The following PTPRM variants were observed in gnomAD, a reference collection of about 807,000 sequenced individuals.
The protein encoded by PTPRM is protein tyrosine phosphatase receptor type M, also known as receptor-type tyrosine-protein phosphatase mu.
Under a neutral mutation model 186.7 loss-of-function variants are expected in PTPRM, and 47 were observed. The observed-to-expected ratio is 0.25, with a 90% CI of 0.20 to 0.32. The LOEUF is 0.32. Ranked by LOEUF, PTPRM falls within the 10% of genes least tolerant of loss-of-function variation. PTPRM has a pLI of 1.00. For synonymous variants in PTPRM, 668 were observed against 674.9 expected, an observed-to-expected ratio of 0.99 and a Z score of 0.16; for missense variants, 1,494 against 1,865.0, an observed-to-expected ratio of 0.80 and a Z score of 3.66.
intron 2 of PTPRM, among the ~76,000 whole-genome samples, chr18:7,795,810 C>CTTTTT (rs397741769): frequency 3.7e-4 from 43 of 117,712 alleles, no homozygotes; most frequent in African/African-American, 6.8e-4. Flanking sequence ...TTCTTTCTTT[C>CTTTTT]TTTTTTTTTT....
chr18:7,632,282 A>G (rs536467311), intron 1 of PTPRM, among the ~76,000 whole-genome samples: 1 of 152,216 alleles, frequency 6.6e-6, no homozygotes, highest in Admixed American at 6.5e-5. Flanking sequence ...TACTCTAGAC[A>G]TTTTATATGT....
At chr18:7,924,127 A>G (rs922348565) in intron 4 of PTPRM, among the ~76,000 whole-genome samples, 2 of 152,220 alleles carry the variant, frequency 1.3e-5, no homozygotes, top group African/African-American at 4.8e-5. Flanking sequence ...AAGCGTCTTC[A>G]GTGATGATAG....
intron 14 of PTPRM, among the ~76,000 whole-genome samples, chr18:8,152,785 T>G (rs2093040532): frequency 1.4e-5 from 2 of 143,126 alleles, no homozygotes; most frequent in South Asian, 4.6e-4. Flanking sequence ...TGGCACGATC[T>G]GAGCTCACTG....
chr18:7,640,356 T>G (rs2038416678), intron 1 of PTPRM, among the ~76,000 whole-genome samples: 1 of 152,162 alleles, frequency 6.6e-6, no homozygotes, highest in South Asian at 2.1e-4. Flanking sequence ...AAAGGAGCTT[T>G]AGAGATCATC....
chr18:7,888,287 G>T lies in PTPRM; in HGVS notation c.378G>T (p.Gly126=), dbSNP rs1477423975. 2 of 1,614,138 alleles carry T rather than the reference G, an allele frequency of 1.2e-6. No individual in the cohort carries two copies. The highest frequency in any genetic ancestry group is 1.1e-5 in the South Asian group (1 of 91,074). Residue 126 remains glycine, a synonymous_variant, in exon 3 of 33, where the codon GGG becomes GGT. Coordinates refer to ENST00000580170, the MANE Select transcript of PTPRM (RefSeq NM_001105244.2). The stretch of plus-strand genomic sequence containing the variant: ...TGAAGGTCAATAACGGGCCACTGGG[G>T]AATCCTATCTGGAATATATCTGGAG... The part of the protein sequence containing the change: ...VYVKVNNGPL[G]NPIWNISGDP...
chr18:7,846,884 C>T (rs2046623960), intron 2 of PTPRM, among the ~76,000 whole-genome samples: 1 of 152,100 alleles, frequency 6.6e-6, no homozygotes. Context: ...TCTTGCCCAC[C>T]TTCTTATTCT....
intron 4 of PTPRM, among the ~76,000 whole-genome samples, chr18:7,919,197 T>G (rs543751226): frequency 2.6e-5 from 4 of 152,186 alleles, no homozygotes; most frequent in Non-Finnish European, 5.9e-5. Flanking sequence ...TTACTAAAGC[T>G]TTATACTACA....
intron 1 of PTPRM, among the ~76,000 whole-genome samples, chr18:7,616,218 G>A (rs1474134137): frequency 6.6e-6 from 1 of 152,150 alleles, no homozygotes; most frequent in Non-Finnish European, 1.5e-5. Flanking sequence ...GTGTGGTGGT[G>A]CCATCACTGC....
At chr18:8,137,566 G>GCTGCCCA (rs2092665641) in intron 13 of PTPRM, among the ~76,000 whole-genome samples, 4 of 152,120 alleles carry the variant, frequency 2.6e-5, no homozygotes, top group Non-Finnish European at 5.9e-5. Flanking sequence ...TTGTTCTCAA[G>GCTGCCCA]GTACTGTTCT....
At chr18:7,665,700 G>C (rs571795336) in intron 1 of PTPRM, among the ~76,000 whole-genome samples, 1 of 152,110 alleles carries the variant, frequency 6.6e-6, no homozygotes. Flanking sequence ...GCCGAGGGGG[G>C]TGGATCATGA....
At chr18:7,976,538 G>A (rs900624316) in intron 7 of PTPRM, among the ~76,000 whole-genome samples, 1 of 152,158 alleles carries the variant, frequency 6.6e-6, no homozygotes, top group Admixed American at 6.5e-5. Flanking sequence ...GGGATTGTGG[G>A]GAATCTTCAT....
rs1438985633 is a variant in PTPRM at position 8,199,380 on chromosome 18, A to G, written c.2301-44678A>G. 2.0e-5 allele frequency among the ~76,000 whole-genome samples: 3 copies of G among 152,272 alleles called. No homozygotes were observed. In the East Asian group the frequency reaches 5.8e-4, roughly 29 times the overall value. ...TCACTCATATCCTGCTTCAGGCTTCACAGGTCTTGGGAAGAAAAAGAGAAC... is the reference window on the plus strand; with the variant it reads ...TCACTCATATCCTGCTTCAGGCTTCGCAGGTCTTGGGAAGAAAAAGAGAAC... On this transcript the variant is annotated intron_variant, in intron 14 of 32. Transcript: ENST00000580170.
intron 1 of PTPRM, among the ~76,000 whole-genome samples, chr18:7,672,913 C>G (rs751711687): frequency 5.3e-5 from 8 of 152,184 alleles, no homozygotes; most frequent in Non-Finnish European, 1.2e-4. Context: ...CACACCTAGG[C>G]CACCATCGTG....
chr18:7,642,763 C>T (rs1488931318), intron 1 of PTPRM, among the ~76,000 whole-genome samples: 2 of 150,568 alleles, frequency 1.3e-5, no homozygotes, highest in Non-Finnish European at 2.9e-5. Context: ...ATTTTTCACC[C>T]TTCTGGCTTA....
At chr18:7,616,793 T>TGG (rs2043116572) in intron 1 of PTPRM, among the ~76,000 whole-genome samples, 1 of 152,118 alleles carries the variant, frequency 6.6e-6, no homozygotes, top group African/African-American at 2.4e-5. Flanking sequence ...TCTTCCCACT[T>TGG]GGGGTGGGAG....
At chr18:8,101,617 T>G (rs1197818574) in intron 11 of PTPRM, among the ~76,000 whole-genome samples, 1 of 152,236 alleles carries the variant, frequency 6.6e-6, no homozygotes, top group African/African-American at 2.4e-5. Context: ...CAGAGCAGGC[T>G]TCCTCGCTAG....
intron 1 of PTPRM, among the ~76,000 whole-genome samples, chr18:7,657,020 C>A (rs1252251513): frequency 6.7e-6 from 1 of 149,680 alleles, no homozygotes; most frequent in Non-Finnish European, 1.5e-5. Flanking sequence ...TGCTTCTTAC[C>A]AGCTCTACAC....
intron 2 of PTPRM, among the ~76,000 whole-genome samples, chr18:7,798,043 G>A (rs189475194): frequency 2.8e-4 from 43 of 152,266 alleles, no homozygotes; most frequent in Middle Eastern, 3.4e-3. Context: ...AGGTCTTGTG[G>A]TCTGCTGGTG....
At chr18:7,601,740 A>C (rs751838234) in intron 1 of PTPRM, among the ~76,000 whole-genome samples, 17 of 152,226 alleles carry the variant, frequency 1.1e-4, no homozygotes, top group Non-Finnish European at 2.1e-4. Context: ...GTAGCATTTT[A>C]CAAGTTTCAG....
Sources: gnomAD v4.1 joint callset for allele counts (sites outside exome capture counted in the v4.1 genomes callset) on GRCh38, gnomAD v4.1.1 for gene constraint, MANE v1.5 for transcripts, NCBI Gene and HGNC (gene_info 2026-07-23, HGNC 2026-07-21) for gene names.